CCDC73: variants seen among roughly 807,000 people sequenced by gnomAD.
The protein encoded by CCDC73 is coiled-coil domain-containing protein 73.
A neutral mutation model predicts 116.5 loss-of-function variants in CCDC73; 95 were observed. The ratio of observed to expected loss-of-function variants is 0.82; its 90% CI spans 0.69 to 0.97. CCDC73 has a LOEUF of 0.97. Among genes scored for constraint, CCDC73 ranks in the 50% least tolerant of loss-of-function variants. The pLI is 0.00. For missense variants in CCDC73, 1,066 were observed against 1,206.8 expected (o/e 0.88, Z 1.73); for synonymous variants, 398 against 401.3 (o/e 0.99, Z 0.10).
chr11:32,684,985 AAT>A (rs536600989), intron 6 of CCDC73, among the ~76,000 whole-genome samples: 1 of 151,548 alleles, frequency 6.6e-6, no homozygotes, highest in Admixed American at 6.6e-5. Context: ...TGTCAAAAAA[AAT>A]ATATATATAT....
chr11:32,606,694 C>T (rs1855355254), intron 17 of CCDC73, among the ~76,000 whole-genome samples: 1 of 151,918 alleles, frequency 6.6e-6, no homozygotes, highest in Non-Finnish European at 1.5e-5. Context: ...AGGTCCACCA[C>T]ATATTGTGTC....
At chr11:32,806,854 G>T in the CCDC73 span, among the ~76,000 whole-genome samples, 6 of 152,264 alleles carry the variant, frequency 3.9e-5, no homozygotes, top group East Asian at 1.2e-3. Context: ...ATTTGAAAAA[G>T]CATCTGTTTG....
intron 17 of CCDC73, among the ~76,000 whole-genome samples, chr11:32,610,240 C>T (rs1352962654): frequency 3.3e-5 from 5 of 152,102 alleles, no homozygotes; most frequent in African/African-American, 4.8e-5. Flanking sequence ...AATTACCTCC[C>T]ACTGGGTCCC....
At chr11:32,607,564 A>T (rs116294289) in intron 17 of CCDC73, among the ~76,000 whole-genome samples, 1,560 of 152,332 alleles carry the variant, frequency 0.01, 28 homozygotes, top group African/African-American at 0.036. Flanking sequence ...CACCCTAATT[A>T]GAAATGGATG....
the CCDC73 span, among the ~76,000 whole-genome samples, chr11:32,823,044 G>A: frequency 1.3e-5 from 2 of 151,978 alleles, no homozygotes; most frequent in Non-Finnish European, 2.9e-5. Flanking sequence ...GAGGTGGGAG[G>A]ATCACTTGAA....
intron 2 of CCDC73, among the ~76,000 whole-genome samples, chr11:32,734,558 A>T (rs1168118446): frequency 6.6e-6 from 1 of 151,910 alleles, no homozygotes; most frequent in Admixed American, 6.6e-5. Context: ...TTTCCTAGGC[A>T]GAGGACCCTG....
At chr11:32,608,835 G>A (rs982498255) in intron 17 of CCDC73, among the ~76,000 whole-genome samples, 2 of 152,064 alleles carry the variant, frequency 1.3e-5, no homozygotes, top group African/African-American at 2.4e-5. Flanking sequence ...CTGTGTACTC[G>A]CAGGTTCAAC....
intron 3 of CCDC73, among the ~76,000 whole-genome samples, chr11:32,709,643 T>C (rs1338315502): frequency 2.6e-5 from 4 of 152,218 alleles, no homozygotes; most frequent in African/African-American, 9.7e-5. Flanking sequence ...TTTCTGCATC[T>C]ATGTTCATCA....
At chr11:32,754,689 C>A (rs992007467) in intron 2 of CCDC73, among the ~76,000 whole-genome samples, 1 of 152,020 alleles carries the variant, frequency 6.6e-6, no homozygotes, top group Non-Finnish European at 1.5e-5. Flanking sequence ...AAGAACTCAA[C>A]AAAATCTCTT....
intron 7 of CCDC73, among the ~76,000 whole-genome samples, chr11:32,678,635 C>T (rs187265218): frequency 0.012 from 1,878 of 152,066 alleles, 15 homozygotes; most frequent in Non-Finnish European, 0.018. Flanking sequence ...TCTGTAATCC[C>T]AGCACTTTGG....
chr11:32,805,112 C>A, the CCDC73 span, among the ~76,000 whole-genome samples: 1 of 152,318 alleles, frequency 6.6e-6, no homozygotes, highest in Middle Eastern at 3.4e-3. Context: ...TCAAAGAAGG[C>A]TCTTCCATTA....
Position 32,748,198 on chromosome 11 carries a change from G to A in CCDC73, c.135+11911C>T, listed in dbSNP as rs531485628. On this transcript the variant is annotated intron_variant, in intron 2 of 17. Coordinates refer to ENST00000335185, the MANE Select transcript of CCDC73 (RefSeq NM_001008391.4). ...TATTTTTTTTTTCTGGTTGTTTTGT[G>A]GTTTTCCTTTTTTCTTCCTTCCTGT... is the stretch of plus-strand genomic sequence containing the variant. Among the ~76,000 whole-genome samples, 6 of 151,576 alleles carry A rather than the reference G, an allele frequency of 4.0e-5. No individual in the cohort carries two copies. The South Asian group carries it at 1.3e-3, about 32-fold the overall frequency.
At chr11:32,765,527 A>G (rs1484245721) in intron 1 of CCDC73, among the ~76,000 whole-genome samples, 5 of 152,300 alleles carry the variant, frequency 3.3e-5, no homozygotes, top group African/African-American at 1.2e-4. Context: ...GGTCTATAAC[A>G]AAATGAAGGC....
At chr11:32,829,642 C>G in the CCDC73 span, 2 of 540,358 alleles carry the variant, frequency 3.7e-6, no homozygotes, top group Non-Finnish European at 4.7e-6. Flanking sequence ...GCCGAGGGCG[C>G]TCTGCTTAAG....
Position 32,614,467 on chromosome 11 carries a change from C to T in CCDC73, c.1851G>A (p.Lys617=), listed in dbSNP as rs1419475067. The change falls in exon 16 of 18, where the codon AAG becomes AAA. Residue 617 remains lysine (K), a synonymous_variant. Transcript: ENST00000335185. ...LPGTREHALE[K]EITNSDQTKA... ...TGGTTTGGTCACTATTTGTAATTTC[C>T]TTCTCTAGAGCATGTTCTCGAGTCC... The T allele has an allele frequency of 1.2e-6, 2 of 1,613,452 alleles. No individual in the cohort carries two copies. The highest frequency in any genetic ancestry group is 2.2e-5 in the East Asian group (1 of 44,820).
intron 9 of CCDC73, among the ~76,000 whole-genome samples, chr11:32,672,984 A>G (rs1355444698): frequency 6.6e-6 from 1 of 152,184 alleles, no homozygotes; most frequent in African/African-American, 2.4e-5. Context: ...AGTCAATAGT[A>G]TTATAATATT....
the CCDC73 span, among the ~76,000 whole-genome samples, chr11:32,820,249 G>T: frequency 6.6e-6 from 1 of 151,986 alleles, no homozygotes; most frequent in Non-Finnish European, 1.5e-5. Context: ...GATCTCCCAG[G>T]CTCAAGCAAT....
chr11:32,623,217 G>C (rs1855539211), intron 14 of CCDC73, among the ~76,000 whole-genome samples: 1 of 152,062 alleles, frequency 6.6e-6, no homozygotes, highest in Admixed American at 6.6e-5. Flanking sequence ...ATGTTGGCCA[G>C]GCTGCTCTTG....
intron 14 of CCDC73, among the ~76,000 whole-genome samples, chr11:32,624,119 G>A (rs1590550679): frequency 6.6e-6 from 1 of 151,706 alleles, no homozygotes; most frequent in Non-Finnish European, 1.5e-5. Context: ...AGATCACAAG[G>A]TCAGGAGATC....
Sources: allele counts gnomAD v4.1 joint callset (sites outside exome capture counted in the v4.1 genomes callset), GRCh38; gene constraint gnomAD v4.1.1; transcripts MANE v1.5; gene names NCBI Gene and HGNC (gene_info 2026-07-23, HGNC 2026-07-21).